RAB41: variants seen among roughly 807,000 people sequenced by gnomAD.
The protein encoded by RAB41 is RAB41, member RAS oncogene family.
Under a neutral mutation model 19.0 loss-of-function variants are expected in RAB41, and 15 were observed. That is an observed-to-expected ratio of 0.79 (90% confidence interval 0.53 to 1.21). The LOEUF (loss-of-function observed/expected upper bound fraction) is 1.21. RAB41 is among the 50% of genes most tolerant of loss of function. The probability of loss-of-function intolerance (pLI) is 0.00; values close to 1 mark genes in which losing one functional copy is unlikely to be tolerated. For synonymous variants in RAB41, 73 were observed against 64.7 expected, an observed-to-expected ratio of 1.13 and a Z score of -0.62; for missense variants, 177 against 179.7, an observed-to-expected ratio of 0.99 and a Z score of 0.09.
chrX:70,282,557 G>A lies in RAB41; in HGVS notation c.149G>A (p.Arg50His), dbSNP rs375268434. 1.6e-5 allele frequency: 19 copies of A among 1,211,036 alleles called. No individual in the cohort carries two copies. Among genetic ancestry groups the A allele is most frequent in the Non-Finnish European group, 1.8e-5 (16 of 894,970 alleles). ...GTAGGGAAGACATCCATCATCAGCC[G>A]CTTCATGTACAACAGCTTCGGCTGC... Reference protein sequence around the residue: ...QSVGKTSIISRFMYNSFGCAC... With the variant: ...QSVGKTSIISHFMYNSFGCAC... Residue 50 changes from arginine to histidine, a missense_variant, in exon 2 of 8, where the codon CGC becomes CAC. Coordinates refer to ENST00000374473, the MANE Select transcript of RAB41 (RefSeq NM_001363807.1).
intron 5 of RAB41, 114 bp downstream of exon 5, chrX:70,283,738 C>T: frequency 3.4e-6 from 2 of 579,779 alleles, no homozygotes; most frequent in Admixed American, 2.7e-5. Context: ...CTGCCCCCTA[C>T]CAGCACTGCA....
Position 70,282,582 on chromosome X carries a change from C to T in RAB41, c.174C>T (p.Cys58=), listed in dbSNP as rs772485623. 30 of 1,209,283 alleles carry T rather than the reference C, an allele frequency of 2.5e-5. No individual in the cohort carries two copies. The highest frequency in any genetic ancestry group is 4.3e-5 in the Admixed American group (2 of 46,025). ...ISRFMYNSFG[C]ACQATVGIDF... The stretch of plus-strand genomic sequence containing the variant: ...GCTTCATGTACAACAGCTTCGGCTG[C>T]GCCTGCCAGGTAAGACCACCACCGA... Residue 58 remains cysteine (C), a synonymous_variant, in exon 2 of 8, where the codon TGC becomes TGT. Coordinates refer to ENST00000374473, the MANE Select transcript of RAB41 (RefSeq NM_001363807.1).
chrX:70,283,024 C>T (rs1569224309), intron 3 of RAB41, among the ~76,000 whole-genome samples, 169 bp downstream of exon 3: 1 of 112,288 alleles, frequency 8.9e-6, no homozygotes, highest in Non-Finnish European at 1.9e-5. Flanking sequence ...ACATAAAGTC[C>T]AAGAGACCTT....
rs41310675 is a variant in RAB41 at position 70,283,699 on chromosome X, T to G, written c.455+75T>G. On this transcript the variant is annotated intron_variant, in intron 5 of 7. Transcript: ENST00000374473. ...TGGGGAGGGTCAACTGTCCTCTATTTACTTGGGGAGGAGTTACCTTAGTCC... is the reference window on the plus strand; with the variant it reads ...TGGGGAGGGTCAACTGTCCTCTATTGACTTGGGGAGGAGTTACCTTAGTCC... 2,813 of 746,714 alleles carry G rather than the reference T, an allele frequency of 3.8e-3. 4 individuals are homozygous for G. The highest frequency in any genetic ancestry group is 4.6e-3 in the Non-Finnish European group (2,251 of 484,291). The allele number at this position is 746,714 out of a possible 1,213,427, so 61.5% of individuals were successfully genotyped here.
Position 70,283,994 on chromosome X carries a change from A to G in RAB41, c.500A>G (p.Asn167Ser). ...EQGEEKSRNL[N>S]VMFIETSAKT... ...GGTGAAGAAAAATCCAGAAACCTCA[A>G]TGTGATGTTTATTGAGACCAGTGCC... is the stretch of plus-strand genomic sequence containing the variant. The change falls in exon 6 of 8, where the codon AAT (asparagine) becomes AGT (serine). Residue 167 changes from asparagine (N) to serine (S), a missense_variant. Transcript: ENST00000374473. 2.5e-6 allele frequency: 3 copies of G among 1,208,419 alleles called. No individual in the cohort carries two copies. The highest frequency in any genetic ancestry group is 3.4e-6 in the Non-Finnish European group (3 of 892,530).
At position 70,282,847 on chromosome X, in the gene RAB41, G is replaced by A. The variant is rs775990844; in HGVS notation, c.229G>A (p.Asp77Asn). 1 of 1,204,815 alleles carries A rather than the reference G, an allele frequency of 8.3e-7. No individual in the cohort carries two copies. Among genetic ancestry groups the A allele is most frequent in the Admixed American group, 2.2e-5 (1 of 46,023 alleles). Reference sequence around the variant, plus strand: ...CTTGTCTAAGACCATGTACTTGGAGGACCAAATAGTGAGTGTTAACTCTCA... The same window carrying A: ...CTTGTCTAAGACCATGTACTTGGAGAACCAAATAGTGAGTGTTAACTCTCA... Reference protein sequence around the residue: ...DFLSKTMYLEDQIVQLQLWDT... With the variant: ...DFLSKTMYLENQIVQLQLWDT... Residue 77 changes from aspartate to asparagine, a missense_variant, in exon 3 of 8, where the codon GAC becomes AAC. By Grantham distance (23) the Asp-to-Asn change is conservative (BLOSUM62 1). Coordinates refer to ENST00000374473, the MANE Select transcript of RAB41 (RefSeq NM_001363807.1).
Position 70,284,653 on chromosome X carries a change from CT to C in RAB41, c.*13del. On this transcript the variant is annotated 3_prime_UTR_variant, in exon 8 of 8. Transcript: ENST00000374473. ...CAGAAGCTATTGTTGACAGCTTAGG[CT>C]TTCTCTGCCTCATTTGATGGATTTC... is the stretch of plus-strand genomic sequence containing the variant. 1 of 1,189,535 alleles carries C rather than the reference CT, an allele frequency of 8.4e-7. No homozygotes were observed. Among genetic ancestry groups the C allele is most frequent in the African/African-American group, 1.7e-5 (1 of 57,347 alleles).
rs775493347 is a variant in RAB41, at chrX:70,282,298, G to C, written c.81G>C (p.Gln27His). Residue 27 changes from glutamine to histidine, a missense_variant, in exon 1 of 8, where the codon CAG becomes CAC. By Grantham distance (24) the Gln-to-His change is conservative. Coordinates refer to ENST00000374473, the MANE Select transcript of RAB41 (RefSeq NM_001363807.1). ...AGGCTGCCGAAAGAACGGAATACCA[G>C]TCTCTGTGCAAATCTAAACTCTTAT... ...GLEAAERTEY[Q>H]SLCKSKLLFL... 1.7e-6 allele frequency: 2 copies of C among 1,212,052 alleles called. No individual in the cohort carries two copies.
In RAB41 at chrX:70,284,599, G is replaced by A. The variant is rs148533869; in HGVS notation, c.625G>A (p.Glu209Lys). The change falls in exon 8 of 8, where the codon GAA (glutamate) becomes AAA (lysine). Residue 209 changes from glutamate (E) to lysine (K), a missense_variant. Transcript: ENST00000374473. Reference protein sequence around the residue: ...PPPKEGTVEIELESFEESGNR... With the variant: ...PPPKEGTVEIKLESFEESGNR... ...GACACACACTTCAGCGGTTGAAATC[G>A]AACTGGAATCCTTCGAGGAGTCAGG... 61 of 1,207,933 alleles carry A rather than the reference G, an allele frequency of 5.0e-5. No homozygotes were observed. In the Middle Eastern group the frequency reaches 2.5e-3, roughly 50 times the overall value.
chrX:70,284,862 C>G lies in RAB41; in HGVS notation c.*219C>G, dbSNP rs1401822522. 3 of 429,406 alleles carry G rather than the reference C, an allele frequency of 7.0e-6. No homozygotes were observed. Among genetic ancestry groups the G allele is most frequent in the African/African-American group, 2.5e-5 (1 of 40,259 alleles). The allele number at this position is 429,406 out of a possible 1,213,427, so 35.4% of individuals were successfully genotyped here. A position where few individuals can be genotyped will look rare whatever the true frequency, so the allele number is the denominator to read the frequency against. On this transcript the variant is annotated 3_prime_UTR_variant, in exon 8 of 8. Coordinates refer to ENST00000374473, the MANE Select transcript of RAB41 (RefSeq NM_001363807.1). ...TTCTTGCAGCACCTGGGAATTCTAC[C>G]TTACCTTCTCCGACAGCTAAAAGAC...
At chrX:70,283,821 C>A in intron 5 of RAB41, 129 bp from the exon 6 acceptor site, 1 of 541,335 alleles carries the variant, frequency 1.8e-6, no homozygotes, top group Non-Finnish European at 3.1e-6. Context: ...AGTCCCCACC[C>A]TGTAGTCAGA....
Position 70,283,608 on chromosome X carries a change from G to C in RAB41, c.439G>C (p.Asp147His), listed in dbSNP as rs1264492326. The change falls in exon 5 of 8, where the codon GAT becomes CAT. Residue 147 changes from aspartate to histidine, a missense_variant. Transcript: ENST00000374473. ...CATCATGTTGTTGGGTAACAAGATT[G>C]ATTTGGATAACAAAAGGTAAAGTAT... is the stretch of plus-strand genomic sequence containing the variant. ...VVIMLLGNKI[D>H]LDNKRQVTAE... 1.2e-5 allele frequency: 14 copies of C among 1,189,875 alleles called. No individual in the cohort carries two copies. Among genetic ancestry groups the C allele is most frequent in the Non-Finnish European group, 1.6e-5 (14 of 876,653 alleles).
chrX:70,284,384 G>GT lies in RAB41; in HGVS notation c.613+58dup, dbSNP rs2085706915. ...GGGAGTATACAAGTAGAGAAGGTAA[G>GT]TTTCCTTGCTGAGTTGATGCCTGAG... On this transcript the variant is annotated intron_variant, in intron 7 of 7. Coordinates refer to ENST00000374473, the MANE Select transcript of RAB41 (RefSeq NM_001363807.1). 11 of 1,145,265 alleles carry GT rather than the reference G, an allele frequency of 9.6e-6. No individual in the cohort carries two copies. The South Asian group carries it at 2.1e-4, about 21-fold the overall frequency. 94.4% of individuals were successfully genotyped at this position (1,145,265 alleles called of 1,213,427 possible).
rs1205351084 is a variant in RAB41, at chrX:70,282,304, G to A, written c.87G>A (p.Leu29=). 1.7e-6 allele frequency: 2 copies of A among 1,212,032 alleles called. No homozygotes were observed. Among genetic ancestry groups the A allele is most frequent in the Non-Finnish European group, 2.2e-6 (2 of 895,449 alleles). The change falls in exon 1 of 8, where the codon CTG becomes CTA. Residue 29 remains leucine (L), a synonymous_variant. Coordinates refer to ENST00000374473, the MANE Select transcript of RAB41 (RefSeq NM_001363807.1). ...CCGAAAGAACGGAATACCAGTCTCT[G>A]TGCAAATCTAAACTCTTATTCCTGG... ...EAAERTEYQS[L]CKSKLLFLGE... is the part of the protein sequence containing the mutation.
Sources: allele counts gnomAD v4.1 joint callset (sites outside exome capture counted in the v4.1 genomes callset), GRCh38; gene constraint gnomAD v4.1.1; transcripts MANE v1.5; gene names NCBI Gene and HGNC (gene_info 2026-07-23, HGNC 2026-07-21).